Variants in CD2 observed in about 807,000 individuals in gnomAD.
The protein encoded by CD2 is T-cell surface antigen CD2.
Under a neutral mutation model 23.2 loss-of-function variants are expected in CD2, and 18 were observed. The ratio of observed to expected loss-of-function variants is 0.77; its 90% CI spans 0.54 to 1.15. The LOEUF (loss-of-function observed/expected upper bound fraction) is 1.15. CD2 is among the 50% of genes most tolerant of loss of function. The pLI is 0.00. For missense variants in CD2, 424 were observed against 423.1 expected, an observed-to-expected ratio of 1.00 and a Z score of -0.02; for synonymous variants, 162 against 151.9, an observed-to-expected ratio of 1.07 and a Z score of -0.49.
In CD2 at chr1:116,758,027, C is replaced by G. The variant is rs530090430; in HGVS notation, c.383-2375C>G. ...CAAGAGATCCGCCCACCTTAGCCTC[C>G]CAAAGTGCTGGATTACAGGCATGAG... On this transcript the variant is annotated intron_variant, in intron 2 of 4. Transcript: ENST00000369478. Among the ~76,000 whole-genome samples, 97 of 151,652 alleles carry G rather than the reference C, an allele frequency of 6.4e-4. 1 individual carries two copies. The highest frequency in any genetic ancestry group is 2.3e-3 in the African/African-American group (94 of 41,394).
At chr1:116,761,333 C>T (rs1181169679) in intron 3 of CD2, among the ~76,000 whole-genome samples, 1 of 152,180 alleles carries the variant, frequency 6.6e-6, no homozygotes, top group Non-Finnish European at 1.5e-5. Flanking sequence ...TTGGGTCTGT[C>T]CAAATTTAGC....
intron 2 of CD2, 51 bp downstream of exon 2, chr1:116,755,002 C>A: frequency 1.5e-6 from 2 of 1,307,600 alleles, no homozygotes; most frequent in Non-Finnish European, 2.1e-6. Flanking sequence ...TGCTATTTGG[C>A]AAGTTGGAAA....
chr1:116,757,507 G>A (rs777662293), intron 2 of CD2, among the ~76,000 whole-genome samples: 26 of 152,000 alleles, frequency 1.7e-4, no homozygotes, highest in Non-Finnish European at 3.1e-4. Context: ...GTATACGGAG[G>A]TACTACTCCA....
intron 3 of CD2, among the ~76,000 whole-genome samples, chr1:116,761,105 G>T (rs1652036911): frequency 6.6e-6 from 1 of 152,154 alleles, no homozygotes; most frequent in African/African-American, 2.4e-5. Context: ...GGGGAATGGA[G>T]CCCTTGAGGC....
chr1:116,759,235 T>C (rs1173789965), intron 2 of CD2, among the ~76,000 whole-genome samples: 1 of 152,182 alleles, frequency 6.6e-6, no homozygotes, highest in Non-Finnish European at 1.5e-5. Context: ...AACTTTTAAT[T>C]TAATTTCTGC....
At chr1:116,761,403 A>C (rs1352774058) in intron 3 of CD2, among the ~76,000 whole-genome samples, 6 of 152,182 alleles carry the variant, frequency 3.9e-5, no homozygotes, top group Non-Finnish European at 7.3e-5. Context: ...GCCCACAAAG[A>C]AAATAAGCAC....
Position 116,768,774 on chromosome 1 carries a change from C to G in CD2, c.1047C>G (p.Ser349=). 2 of 1,607,866 alleles carry G rather than the reference C, an allele frequency of 1.2e-6. No individual in the cohort carries two copies. The highest frequency in any genetic ancestry group is 1.7e-6 in the Non-Finnish European group (2 of 1,177,882). Residue 349 remains serine, a synonymous_variant, in exon 5 of 5, where the codon TCC becomes TCG. Transcript: ENST00000369478. ...HGAAENSLSP[S]SN Reference sequence around the variant, plus strand: ...CAGCAGAAAACTCATTGTCCCCTTCCTCTAATTAAAAAAGATAGAAACTGT... The same window carrying G: ...CAGCAGAAAACTCATTGTCCCCTTCGTCTAATTAAAAAAGATAGAAACTGT...
At chr1:116,757,752 TAGAGAGAGAGAG>T (rs369185297) in intron 2 of CD2, among the ~76,000 whole-genome samples, 1 of 140,632 alleles carries the variant, frequency 7.1e-6, no homozygotes, top group Non-Finnish European at 1.6e-5. Context: ...TATATATATA[TAGAGAGAGAGAG>T]AGAGAGAGAG....
In CD2 at chr1:116,754,615, CTT is replaced by C. The variant is rs779154862; in HGVS notation, c.62-13_62-12del. On this transcript the variant is annotated splice_polypyrimidine_tract_variant and intron_variant, in intron 1 of 4. Transcript: ENST00000369478. ...TCCCTGAAAGTGACTCTCAGTAACT[CTT>C]TTGCTTTTTATAGGTGCAGTCTCCA... is the stretch of plus-strand genomic sequence containing the variant. The C allele has an allele frequency of 3.1e-6, 5 of 1,608,314 alleles. No homozygotes were observed. In the South Asian group the frequency reaches 5.6e-5, roughly 18 times the overall value.
intron 4 of CD2, among the ~76,000 whole-genome samples, chr1:116,765,460 G>A (rs1017643147): frequency 7.9e-5 from 12 of 152,100 alleles, no homozygotes; most frequent in African/African-American, 1.9e-4. Flanking sequence ...CTTGGGCCCC[G>A]TGCCCTCTGG....
At chr1:116,760,890 G>T (rs1652028602) in intron 3 of CD2, among the ~76,000 whole-genome samples, 1 of 152,218 alleles carries the variant, frequency 6.6e-6, no homozygotes, top group Admixed American at 6.5e-5. Flanking sequence ...CTAGGAGAAA[G>T]AATTGCAAAA....
intron 2 of CD2, among the ~76,000 whole-genome samples, chr1:116,758,936 A>G (rs1651946809): frequency 6.6e-6 from 1 of 152,232 alleles, no homozygotes; most frequent in African/African-American, 2.4e-5. Context: ...CTTTTTGGCA[A>G]GGATGATGAC....
intron 4 of CD2, among the ~76,000 whole-genome samples, chr1:116,766,695 T>A (rs769168947): frequency 1.4e-4 from 21 of 148,442 alleles, no homozygotes; most frequent in Non-Finnish European, 2.4e-4. Flanking sequence ...GTCTCTACTT[T>A]AAAAAAAAAA....
chr1:116,766,649 A>G (rs1225723765), intron 4 of CD2, among the ~76,000 whole-genome samples: 1 of 151,836 alleles, frequency 6.6e-6, no homozygotes, highest in Non-Finnish European at 1.5e-5. Flanking sequence ...TGAGCTCAGG[A>G]GTTTGGGACC....
At chr1:116,762,475 ACCT>A (rs1652086000) in intron 3 of CD2, among the ~76,000 whole-genome samples, 1 of 152,142 alleles carries the variant, frequency 6.6e-6, no homozygotes, top group African/African-American at 2.4e-5. Context: ...TGGGAAGAAT[ACCT>A]GGGGAGAGAT....
chr1:116,760,510 A>T lies in CD2; in HGVS notation c.491A>T (p.His164Leu). The T allele has an allele frequency of 1.2e-6, 2 of 1,614,216 alleles. No homozygotes were observed. The change falls in exon 3 of 5, where the codon CAT becomes CTT. Residue 164 changes from histidine to leucine, a missense_variant. His to Leu is a moderately conservative substitution (Grantham distance 99, BLOSUM62 -3). Transcript: ENST00000369478. ...TTAAACCTGTATCAAGATGGGAAAC[A>T]TCTAAAACTTTCTCAGAGGGTCATC... ...PELNLYQDGK[H>L]LKLSQRVITH...
chr1:116,767,853 A>G (rs1409897315), intron 4 of CD2, among the ~76,000 whole-genome samples: 2 of 152,158 alleles, frequency 1.3e-5, no homozygotes, highest in Non-Finnish European at 2.9e-5. Flanking sequence ...CTGAAGTCAC[A>G]CAAAGAAGAA....
intron 3 of CD2, 62 bp from the exon 4 acceptor site, chr1:116,764,422 C>T (rs969357421): frequency 5.7e-6 from 9 of 1,581,364 alleles, no homozygotes; most frequent in Admixed American, 5.4e-5. Context: ...GCATCCTTGG[C>T]CAGAGTAATG....
intron 4 of CD2, among the ~76,000 whole-genome samples, chr1:116,765,285 C>T (rs1652181081): frequency 6.6e-6 from 1 of 152,170 alleles, no homozygotes; most frequent in Admixed American, 6.5e-5. Context: ...ATGAGGGTGT[C>T]AGCCATTGGC....
Sources: gnomAD v4.1 joint callset for allele counts (sites outside exome capture counted in the v4.1 genomes callset) on GRCh38, gnomAD v4.1.1 for gene constraint, MANE v1.5 for transcripts, NCBI Gene and HGNC (gene_info 2026-07-23, HGNC 2026-07-21) for gene names.